Variants in CCDC178 observed in about 807,000 individuals in gnomAD.
CCDC178 encodes coiled-coil domain-containing protein 178.
CCDC178 carries 126 observed loss-of-function variants against 117.4 expected under a neutral mutation model. The observed-to-expected ratio is 1.07, with a 90% CI of 0.93 to 1.24. The LOEUF (loss-of-function observed/expected upper bound fraction) is 1.24. Among genes scored for constraint, CCDC178 ranks in the 50% most tolerant of loss-of-function variants. CCDC178 has a pLI of 0.00. For synonymous variants in CCDC178, 283 were observed against 313.4 expected, an observed-to-expected ratio of 0.90 and a Z score of 1.02; for missense variants, 1,030 against 986.9, an observed-to-expected ratio of 1.04 and a Z score of -0.59.
At chr18:32,982,163 A>G (rs1371493877) in intron 21 of CCDC178, among the ~76,000 whole-genome samples, 1 of 152,104 alleles carries the variant, frequency 6.6e-6, no homozygotes, top group Admixed American at 6.6e-5. Context: ...TTAGAGACAT[A>G]TGGTACCAAA....
At chr18:33,060,581 A>G (rs1263470927) in intron 21 of CCDC178, among the ~76,000 whole-genome samples, 1 of 152,126 alleles carries the variant, frequency 6.6e-6, no homozygotes, top group East Asian at 1.9e-4. Flanking sequence ...GAAGTAGCAC[A>G]TTCTTGCTGA....
intron 14 of CCDC178, among the ~76,000 whole-genome samples, chr18:33,266,511 T>TATAAG (rs60948858): frequency 0.067 from 10,174 of 151,828 alleles, 508 homozygotes; most frequent in African/African-American, 0.13. Context: ...TAAAGCTGCT[T>TATAAG]ATAACTTTTA....
chr18:33,428,708 G>A (rs534925151), intron 2 of CCDC178, among the ~76,000 whole-genome samples: 1 of 126,770 alleles, frequency 7.9e-6, no homozygotes, highest in South Asian at 2.6e-4. Context: ...CTCCAGCCTG[G>A]CAACAGAGTG....
chr18:33,320,684 A>G (rs1002845199), intron 11 of CCDC178, among the ~76,000 whole-genome samples: 6 of 152,226 alleles, frequency 3.9e-5, no homozygotes, highest in African/African-American at 1.4e-4. Context: ...GATAGATTCA[A>G]TGCCATCCCC....
At chr18:33,179,922 T>C (rs2058715871) in intron 20 of CCDC178, among the ~76,000 whole-genome samples, 1 of 152,058 alleles carries the variant, frequency 6.6e-6, no homozygotes, top group South Asian at 2.1e-4. Flanking sequence ...GCTTGTTTTT[T>C]TCTGGCAGAA....
intron 2 of CCDC178, among the ~76,000 whole-genome samples, chr18:33,435,475 ATATGC>A (rs1241027531): frequency 6.6e-6 from 1 of 152,008 alleles, no homozygotes; most frequent in Non-Finnish European, 1.5e-5. Context: ...AATATATATT[ATATGC>A]TTGGCACTGA....
intron 20 of CCDC178, among the ~76,000 whole-genome samples, chr18:33,182,391 T>C (rs931158437): frequency 1.3e-5 from 2 of 152,006 alleles, no homozygotes; most frequent in African/African-American, 4.8e-5. Flanking sequence ...TACAATAAGA[T>C]TACATTTTAA....
At chr18:33,140,914 T>C (rs1159108683) in intron 20 of CCDC178, among the ~76,000 whole-genome samples, 1 of 152,162 alleles carries the variant, frequency 6.6e-6, no homozygotes, top group African/African-American at 2.4e-5. Context: ...AGGAACCCCA[T>C]AGGAGGTGAT....
chr18:33,247,490 T>C (rs1223294832), intron 14 of CCDC178, among the ~76,000 whole-genome samples: 1 of 151,832 alleles, frequency 6.6e-6, no homozygotes, highest in Non-Finnish European at 1.5e-5. Context: ...AAACCCCAAA[T>C]TGAGAAGAGA....
chr18:33,098,719 C>A (rs1465997824), intron 20 of CCDC178, among the ~76,000 whole-genome samples: 1 of 152,016 alleles, frequency 6.6e-6, no homozygotes, highest in African/African-American at 2.4e-5. Flanking sequence ...TCCAGAGCAT[C>A]CTCACATCTA....
intron 20 of CCDC178, among the ~76,000 whole-genome samples, chr18:33,158,996 G>A (rs933793401): frequency 2.6e-5 from 4 of 151,968 alleles, no homozygotes; most frequent in South Asian, 2.1e-4. Context: ...GGACAGCCTC[G>A]TTGTCATATA....
chr18:33,246,667 C>T (rs540306830), intron 14 of CCDC178, among the ~76,000 whole-genome samples: 2 of 151,740 alleles, frequency 1.3e-5, no homozygotes, highest in Non-Finnish European at 2.9e-5. Context: ...AAGCATAAAA[C>T]TAGCTGAAGG....
chr18:32,943,452 T>C (rs1375638380), intron 22 of CCDC178, among the ~76,000 whole-genome samples: 1 of 152,206 alleles, frequency 6.6e-6, no homozygotes, highest in Non-Finnish European at 1.5e-5. Flanking sequence ...AGTGCTTCTT[T>C]TTTTTCCTAG....
intron 6 of CCDC178, among the ~76,000 whole-genome samples, chr18:33,357,631 T>C (rs1272128385): frequency 1.3e-5 from 2 of 152,144 alleles, no homozygotes; most frequent in African/African-American, 4.8e-5. Context: ...TTGGCAGGGT[T>C]ATTTTCTACA....
At chr18:32,984,631 G>T (rs922265791) in intron 21 of CCDC178, among the ~76,000 whole-genome samples, 1 of 150,528 alleles carries the variant, frequency 6.6e-6, no homozygotes, top group Non-Finnish European at 1.5e-5. Flanking sequence ...ATGAATGAAC[G>T]TATATGATTA....
At chr18:33,124,611 T>C (rs965551390) in intron 20 of CCDC178, among the ~76,000 whole-genome samples, 1 of 152,204 alleles carries the variant, frequency 6.6e-6, no homozygotes, top group Non-Finnish European at 1.5e-5. Flanking sequence ...CTTTCAGATA[T>C]ATAAATTGTT....
At chr18:33,132,605 T>C (rs934906524) in intron 20 of CCDC178, among the ~76,000 whole-genome samples, 1 of 151,762 alleles carries the variant, frequency 6.6e-6, no homozygotes, top group Non-Finnish European at 1.5e-5. Flanking sequence ...ACAGCATTCA[T>C]GAAAAATGAG....
chr18:32,961,034 A>G (rs898200300), intron 22 of CCDC178, among the ~76,000 whole-genome samples: 2 of 152,036 alleles, frequency 1.3e-5, no homozygotes, highest in African/African-American at 2.4e-5. Flanking sequence ...GAAATTTTAT[A>G]TGTTATGTAT....
chr18:32,945,160 GTCC>G (rs1163327705), intron 22 of CCDC178, among the ~76,000 whole-genome samples: 27 of 152,182 alleles, frequency 1.8e-4, no homozygotes, highest in African/African-American at 6.3e-4. Flanking sequence ...TAGGCTATAT[GTCC>G]TGAAGGCAGT....
Sources: gnomAD v4.1 joint callset for allele counts (sites outside exome capture counted in the v4.1 genomes callset) on GRCh38, gnomAD v4.1.1 for gene constraint, MANE v1.5 for transcripts, NCBI Gene and HGNC (gene_info 2026-07-23, HGNC 2026-07-21) for gene names.